The following NKAIN2 variants were observed in gnomAD, a reference collection of about 807,000 sequenced individuals.
NKAIN2 encodes the protein sodium/potassium transporting ATPase interacting 2, also known as sodium/potassium-transporting ATPase subunit beta-1-interacting protein 2.
NKAIN2 carries 14 observed loss-of-function variants against 32.6 expected under a neutral mutation model. The observed-to-expected ratio is 0.43, with a 90% CI of 0.28 to 0.67. The LOEUF (loss-of-function observed/expected upper bound fraction) is 0.67, where lower values mean the gene tolerates loss of function less well. Among genes scored for constraint, NKAIN2 ranks in the 30% least tolerant of loss-of-function variants. The pLI is 0.17. For synonymous variants in NKAIN2, 80 were observed against 87.2 expected (o/e 0.92, Z 0.46); for missense variants, 198 against 258.3 (o/e 0.77, Z 1.60).
chr6:123,826,362 T>C (rs950741686), intron 1 of NKAIN2, among the ~76,000 whole-genome samples: 2 of 152,182 alleles, frequency 1.3e-5, no homozygotes, highest in Non-Finnish European at 2.9e-5. Flanking sequence ...TTGTAAATCA[T>C]ACATAACAAA....
chr6:124,691,246 T>C (rs1774243283), intron 4 of NKAIN2, among the ~76,000 whole-genome samples: 1 of 152,064 alleles, frequency 6.6e-6, no homozygotes, highest in African/African-American at 2.4e-5. Flanking sequence ...AAATCACCTC[T>C]CTATCCCCAT....
intron 1 of NKAIN2, among the ~76,000 whole-genome samples, chr6:124,222,943 A>C (rs992096619): frequency 5.3e-5 from 8 of 152,096 alleles, no homozygotes; most frequent in Non-Finnish European, 1.0e-4. Flanking sequence ...GAGTGAGACA[A>C]TTTTGAGAAA....
chr6:124,635,748 A>T (rs118123332), intron 3 of NKAIN2, among the ~76,000 whole-genome samples: 1 of 152,080 alleles, frequency 6.6e-6, no homozygotes, highest in Admixed American at 6.5e-5. Context: ...CATATCAATT[A>T]TAAATAGACA....
At chr6:124,515,608 C>T (rs149213051) in intron 3 of NKAIN2, among the ~76,000 whole-genome samples, 204 of 152,206 alleles carry the variant, frequency 1.3e-3, no homozygotes, top group African/African-American at 4.5e-3. Context: ...AAAGACCCCC[C>T]ATTAGGCTCC....
chr6:124,509,867 T>C (rs1486264679), intron 3 of NKAIN2, among the ~76,000 whole-genome samples: 3 of 152,222 alleles, frequency 2.0e-5, no homozygotes, highest in Non-Finnish European at 4.4e-5. Context: ...TATGGCCATA[T>C]AAATATAGAC....
intron 1 of NKAIN2, among the ~76,000 whole-genome samples, chr6:123,923,229 C>G (rs2114497256): frequency 6.6e-6 from 1 of 152,252 alleles, no homozygotes. Flanking sequence ...AACTTATTGA[C>G]TTCACTCACT....
intron 1 of NKAIN2, among the ~76,000 whole-genome samples, chr6:124,258,635 C>A (rs1328828233): frequency 3.9e-5 from 6 of 152,120 alleles, no homozygotes. Flanking sequence ...CCTCTCTGGG[C>A]ACTAATTTTC....
At chr6:124,474,741 C>T (rs1167737428) in intron 3 of NKAIN2, among the ~76,000 whole-genome samples, 3 of 150,460 alleles carry the variant, frequency 2.0e-5, no homozygotes, top group Non-Finnish European at 4.4e-5. Context: ...TTTGAGCTCT[C>T]TATGATATAT....
intron 4 of NKAIN2, among the ~76,000 whole-genome samples, chr6:124,767,500 T>A (rs1583825891): frequency 6.6e-6 from 1 of 152,156 alleles, no homozygotes; most frequent in African/African-American, 2.4e-5. Context: ...TTTACCAAGC[T>A]TTTTTAGCTT....
At chr6:124,293,567 A>T (rs1795914786) in intron 2 of NKAIN2, among the ~76,000 whole-genome samples, 3 of 152,132 alleles carry the variant, frequency 2.0e-5, no homozygotes, top group African/African-American at 4.8e-5. Flanking sequence ...TAGCTATCTA[A>T]TTATCTTTCC....
intron 4 of NKAIN2, among the ~76,000 whole-genome samples, chr6:124,746,851 C>T (rs1583783432): frequency 6.6e-6 from 1 of 151,696 alleles, no homozygotes; most frequent in Non-Finnish European, 1.5e-5. Context: ...CTTTCTTATC[C>T]GTAAAATGAG....
intron 4 of NKAIN2, among the ~76,000 whole-genome samples, chr6:124,786,575 GAA>G (rs1779514983): frequency 3.3e-5 from 5 of 151,962 alleles, no homozygotes; most frequent in Non-Finnish European, 5.9e-5. Context: ...GTTATACAGA[GAA>G]AATATCATTT....
intron 4 of NKAIN2, among the ~76,000 whole-genome samples, chr6:124,672,349 A>C (rs1773150975): frequency 3.3e-5 from 5 of 152,060 alleles, no homozygotes. Flanking sequence ...AATTGTTGTC[A>C]TCTCTTTCAC....
rs528069791 is a variant in NKAIN2, at chr6:124,758,406, T to C, written c.475-32933T>C. Among the ~76,000 whole-genome samples, 21 of 152,230 alleles carry C rather than the reference T, an allele frequency of 1.4e-4. No individual in the cohort carries two copies. In the South Asian group the frequency reaches 4.4e-3, roughly 32 times the overall value. On this transcript the variant is annotated intron_variant, in intron 4 of 6. Transcript: ENST00000368417. ...TGAGGGCACAGAGAGAAGACAGTCC[T>C]CTATGAGCCAGGAAGAGGACCCCAC...
intron 3 of NKAIN2, among the ~76,000 whole-genome samples, chr6:124,584,686 G>C (rs1781648190): frequency 1.3e-5 from 2 of 148,402 alleles, no homozygotes; most frequent in Non-Finnish European, 3.0e-5. Flanking sequence ...CATACAAATG[G>C]TAAACAGGCA....
intron 2 of NKAIN2, among the ~76,000 whole-genome samples, chr6:124,348,261 C>A (rs542033599): frequency 6.6e-6 from 1 of 151,484 alleles, no homozygotes; most frequent in East Asian, 1.9e-4. Flanking sequence ...GGGTGCCTCT[C>A]AGGCTGCTCG....
chr6:124,551,957 T>C (rs1459277994), intron 3 of NKAIN2, among the ~76,000 whole-genome samples: 1 of 152,178 alleles, frequency 6.6e-6, no homozygotes, highest in African/African-American at 2.4e-5. Context: ...AATTACTCAG[T>C]GGTTAATGAA....
intron 3 of NKAIN2, among the ~76,000 whole-genome samples, chr6:124,476,798 T>C (rs955293397): frequency 6.6e-6 from 1 of 152,158 alleles, no homozygotes; most frequent in Non-Finnish European, 1.5e-5. Flanking sequence ...GCCCCTGTTT[T>C]ATTTCTGTGA....
rs201763866 is a variant in NKAIN2 at position 124,442,157 on chromosome 6, A to G, written c.273+86810A>G. 2.0e-5 allele frequency among the ~76,000 whole-genome samples: 3 copies of G among 152,080 alleles called. No individual in the cohort carries two copies. The East Asian group carries it at 5.8e-4, about 29-fold the overall frequency. ...ATTCAACTCTTCCCCTTCCAGATCC[A>G]TAATCAACCAGCTAAGCCCTTTGCC... On this transcript the variant is annotated intron_variant, in intron 3 of 6. Transcript: ENST00000368417.
Sources: allele counts gnomAD v4.1 joint callset (sites outside exome capture counted in the v4.1 genomes callset), GRCh38; gene constraint gnomAD v4.1.1; transcripts MANE v1.5; gene names NCBI Gene and HGNC (gene_info 2026-07-23, HGNC 2026-07-21).